The following MSRA variants were observed in gnomAD, a reference collection of about 807,000 sequenced individuals.
MSRA encodes the protein mitochondrial peptide methionine sulfoxide reductase.
A neutral mutation model predicts 31.3 loss-of-function variants in MSRA; 54 were observed. The ratio of observed to expected loss-of-function variants is 1.73; its 90% CI spans 1.39 to 2.17. MSRA has a LOEUF of 2.17. MSRA is among the 30% of genes most tolerant of loss of function. The probability of loss-of-function intolerance (pLI) is 0.00; values close to 1 mark genes in which losing one functional copy is unlikely to be tolerated. For missense variants in MSRA, 507 were observed against 300.9 expected, an observed-to-expected ratio of 1.69 and a Z score of -5.07; for synonymous variants, 169 against 116.5, an observed-to-expected ratio of 1.45 and a Z score of -2.90.
intron 5 of MSRA, among the ~76,000 whole-genome samples, chr8:10,417,871 AAGGGGGAAGGT>A (rs1353120868): frequency 2.6e-5 from 4 of 151,720 alleles, no homozygotes. Flanking sequence ...CTCCGTGCAG[AAGGGGGAAGGT>A]AGGAACCAAG....
intron 1 of MSRA, among the ~76,000 whole-genome samples, chr8:10,147,560 C>T (rs779466705): frequency 3.9e-5 from 6 of 152,192 alleles, no homozygotes; most frequent in Non-Finnish European, 7.3e-5. Context: ...CGCCAACCAA[C>T]CGTGTACAGG....
At position 10,377,994 on chromosome 8, in the gene MSRA, G is replaced by C. The variant is rs889272656; in HGVS notation, c.544-50154G>C. On this transcript the variant is annotated intron_variant, in intron 5 of 5. Transcript: ENST00000317173. ...TGGGAGCTCTGGCCCCAGAACAGAA[G>C]CTTCTAATCAGCACCACCTGCTCAA... 2.0e-5 allele frequency among the ~76,000 whole-genome samples: 3 copies of C among 152,244 alleles called. No homozygotes were observed. In the South Asian group the frequency reaches 6.2e-4, roughly 31 times the overall value.
intron 1 of MSRA, among the ~76,000 whole-genome samples, chr8:10,083,540 G>T (rs1344507756): frequency 6.6e-6 from 1 of 152,152 alleles, no homozygotes; most frequent in Admixed American, 6.5e-5. Flanking sequence ...ATTTTTTCAA[G>T]GGTGAATCAT....
chr8:10,385,580 G>C (rs1191985285), intron 5 of MSRA, among the ~76,000 whole-genome samples: 1 of 152,126 alleles, frequency 6.6e-6, no homozygotes, highest in Non-Finnish European at 1.5e-5. Flanking sequence ...GGTCTTAAAA[G>C]ATTACTCTGT....
intron 1 of MSRA, among the ~76,000 whole-genome samples, chr8:10,064,229 C>T (rs934857880): frequency 6.6e-6 from 1 of 152,168 alleles, no homozygotes; most frequent in African/African-American, 2.4e-5. Context: ...GTGAGATACT[C>T]GATGACTTTG....
intron 1 of MSRA, among the ~76,000 whole-genome samples, chr8:10,079,889 T>A (rs1445372830): frequency 6.6e-6 from 1 of 152,228 alleles, no homozygotes; most frequent in Non-Finnish European, 1.5e-5. Flanking sequence ...TCTCTGTTCA[T>A]AAATTTGCTA....
At chr8:10,127,502 G>C (rs1376102151) in intron 1 of MSRA, among the ~76,000 whole-genome samples, 1 of 152,168 alleles carries the variant, frequency 6.6e-6, no homozygotes, top group Non-Finnish European at 1.5e-5. Flanking sequence ...ATTCAGTTCA[G>C]AGATCATGCT....
At position 10,409,836 on chromosome 8, in the gene MSRA, A is replaced by T. The variant is rs542037651; in HGVS notation, c.544-18312A>T. Among the ~76,000 whole-genome samples the T allele has an allele frequency of 1.6e-4, 24 of 152,330 alleles. No individual in the cohort carries two copies. The East Asian group carries it at 4.4e-3, about 28-fold the overall frequency. On this transcript the variant is annotated intron_variant, in intron 5 of 5. Coordinates refer to ENST00000317173, the MANE Select transcript of MSRA (RefSeq NM_012331.5). ...CAGTACTTTGGAAGGCTGAGGTGGG[A>T]GGATCACTTAAGGCTAGGAGTTCGA...
At chr8:10,071,531 T>C (rs920903288) in intron 1 of MSRA, among the ~76,000 whole-genome samples, 2 of 152,002 alleles carry the variant, frequency 1.3e-5, no homozygotes, top group African/African-American at 4.8e-5. Flanking sequence ...GCTTCCTAAT[T>C]TTTCCTTTCA....
At chr8:10,263,196 T>A (rs1798569565) in intron 3 of MSRA, among the ~76,000 whole-genome samples, 2 of 152,236 alleles carry the variant, frequency 1.3e-5, no homozygotes, top group African/African-American at 4.8e-5. Flanking sequence ...ACTCAAAATC[T>A]TTATTGCTGT....
chr8:10,244,366 G>A (rs1797501580), intron 2 of MSRA, among the ~76,000 whole-genome samples: 1 of 152,122 alleles, frequency 6.6e-6, no homozygotes, highest in Admixed American at 6.5e-5. Flanking sequence ...TTGGGAGATG[G>A]GTTGTGATTT....
chr8:10,307,902 G>T (rs749228654), intron 4 of MSRA, among the ~76,000 whole-genome samples: 1 of 152,334 alleles, frequency 6.6e-6, no homozygotes, highest in Non-Finnish European at 1.5e-5. Flanking sequence ...TTAGAGCTAA[G>T]TATGGCCACA....
At chr8:10,216,909 G>T (rs1289384193) in intron 2 of MSRA, among the ~76,000 whole-genome samples, 9 of 152,122 alleles carry the variant, frequency 5.9e-5, no homozygotes, top group Admixed American at 5.9e-4. Context: ...CCATTCTTTT[G>T]GGTGTATACC....
At chr8:10,153,082 C>T (rs1306040514) in intron 1 of MSRA, among the ~76,000 whole-genome samples, 1 of 152,114 alleles carries the variant, frequency 6.6e-6, no homozygotes, top group African/African-American at 2.4e-5. Context: ...GGAGATTGAT[C>T]GTACATCAGT....
intron 2 of MSRA, among the ~76,000 whole-genome samples, chr8:10,228,813 T>C (rs185071928): frequency 1.3e-4 from 20 of 152,302 alleles, no homozygotes; most frequent in Admixed American, 1.1e-3. Context: ...ATTCCACATA[T>C]ACAGATATCA....
At chr8:10,287,144 C>T (rs986012565) in intron 3 of MSRA, among the ~76,000 whole-genome samples, 1 of 152,102 alleles carries the variant, frequency 6.6e-6, no homozygotes, top group Admixed American at 6.5e-5. Flanking sequence ...CTAAAAGATT[C>T]CCAATATCAA....
chr8:10,317,913 C>A (rs1276084418), intron 4 of MSRA, among the ~76,000 whole-genome samples: 3 of 152,144 alleles, frequency 2.0e-5, no homozygotes, highest in Non-Finnish European at 2.9e-5. Flanking sequence ...CTGGTCCCCA[C>A]CGTGACTTGT....
chr8:10,249,058 G>GGGAGGGAGAGA (rs2129084979), intron 3 of MSRA, among the ~76,000 whole-genome samples: 2 of 152,208 alleles, frequency 1.3e-5, no homozygotes, highest in South Asian at 4.1e-4. Context: ...CCTGGGAGAG[G>GGGAGGGAGAGA]GGAGGTCCTG....
chr8:10,310,521 C>A (rs185358075), intron 4 of MSRA, among the ~76,000 whole-genome samples: 3 of 152,276 alleles, frequency 2.0e-5, no homozygotes, highest in Admixed American at 6.5e-5. Context: ...TCTAGTGTTA[C>A]AAGGGTTTGG....
Sources: gnomAD v4.1 joint callset for allele counts (sites outside exome capture counted in the v4.1 genomes callset) on GRCh38, gnomAD v4.1.1 for gene constraint, MANE v1.5 for transcripts, NCBI Gene and HGNC (gene_info 2026-07-23, HGNC 2026-07-21) for gene names.